Variants in STIL observed in about 807,000 individuals in gnomAD.
STIL encodes the protein SCL-interrupting locus protein.
Under a neutral mutation model 110.1 loss-of-function variants are expected in STIL, and 55 were observed. That is an observed-to-expected ratio of 0.50 (90% CI 0.40 to 0.63). STIL has a LOEUF of 0.63. STIL is among the 20% of genes least tolerant of loss of function. STIL has a pLI of 0.00. For missense variants in STIL, 1,358 were observed against 1,530.0 expected (o/e 0.89, Z 1.87); for synonymous variants, 481 against 530.0 (o/e 0.91, Z 1.27).
chr1:47,268,746 G>A (rs1212786999), intron 14 of STIL, among the ~76,000 whole-genome samples: 1 of 148,576 alleles, frequency 6.7e-6, no homozygotes, highest in African/African-American at 2.5e-5. Flanking sequence ...CAACAAGAGA[G>A]AAACTCCATC....
chr1:47,268,060 G>T (rs1644705555), intron 14 of STIL, among the ~76,000 whole-genome samples: 1 of 152,098 alleles, frequency 6.6e-6, no homozygotes, highest in African/African-American at 2.4e-5. Flanking sequence ...GAATTAATTT[G>T]AAGCAAATCT....
chr1:47,259,799 G>A (rs760291143), intron 16 of STIL, among the ~76,000 whole-genome samples: 3 of 152,076 alleles, frequency 2.0e-5, no homozygotes, highest in Non-Finnish European at 4.4e-5. Context: ...TATGTGCTGA[G>A]GTCATCTTTG....
At chr1:47,277,915 CT>C in intron 12 of STIL, among the ~76,000 whole-genome samples, 1 of 151,906 alleles carries the variant, frequency 6.6e-6, no homozygotes, top group Non-Finnish European at 1.5e-5. Flanking sequence ...TGTGAGAAAA[CT>C]GAAGTCAATG....
chr1:47,262,886 G>C lies in STIL; in HGVS notation c.2829+17C>G. The stretch of plus-strand genomic sequence containing the variant: ...AATAACCTTCTCAAAAAGATGAAAT[G>C]CTCTACATTTTCTTACCAATAAATC... On this transcript the variant is annotated intron_variant, in intron 15 of 16. Coordinates refer to ENST00000371877, the MANE Select transcript of STIL (RefSeq NM_001048166.1). The C allele has an allele frequency of 6.2e-7, 1 of 1,609,694 alleles. No homozygotes were observed. Among genetic ancestry groups the C allele is most frequent in the East Asian group, 2.2e-5 (1 of 44,844 alleles).
Position 47,266,617 on chromosome 1 carries a change from G to T in STIL, c.2615+3018C>A, listed in dbSNP as rs116068516. Among the ~76,000 whole-genome samples the T allele has an allele frequency of 5.4e-3, 821 of 152,318 alleles. 3 individuals are homozygous for T. The highest frequency in any genetic ancestry group is 0.018 in the African/African-American group (766 of 41,576). ...AATTAACCTCTTTAAACTGTTTCAT[G>T]TGCTATTATCCTGGGATGTTTTATA... On this transcript the variant is annotated intron_variant, in intron 14 of 16. Transcript: ENST00000371877.
In STIL at chr1:47,280,568, T is replaced by C. The variant is rs1357261197; in HGVS notation, c.1890A>G (p.Gln630=). 11 of 1,614,136 alleles carry C rather than the reference T, an allele frequency of 6.8e-6. No individual in the cohort carries two copies. In the Admixed American group the frequency reaches 8.3e-5, roughly 12 times the overall value. The part of the protein sequence containing the change: ...WQGANTVGSI[Q]DVQSEALQKH... ...TTTGAAGGGCTTCAGACTGGACATC[T>C]TGAATGGATCCAACTGTGTTTGCTC... The change falls in exon 12 of 17, where the codon CAA becomes CAG. Residue 630 remains glutamine, a synonymous_variant. Transcript: ENST00000371877.
chr1:47,262,831 G>A (rs1483091037), intron 15 of STIL, 72 bp downstream of exon 15: 5 of 1,437,958 alleles, frequency 3.5e-6, no homozygotes, highest in Admixed American at 1.7e-5. Flanking sequence ...TTTAAACCTA[G>A]GAAAAGCTTA....
At chr1:47,297,357 G>A (rs1304571911) in intron 6 of STIL, among the ~76,000 whole-genome samples, 1 of 133,186 alleles carries the variant, frequency 7.5e-6, no homozygotes, top group Non-Finnish European at 1.7e-5. Context: ...AAAAAAAAAA[G>A]AATTAGTTCA....
At chr1:47,263,140 A>C (rs1341056080) in intron 14 of STIL, 24 bp from the exon 15 acceptor site, 5 of 1,600,150 alleles carry the variant, frequency 3.1e-6, no homozygotes, top group Non-Finnish European at 4.3e-6. Context: ...ATAATGTGTT[A>C]GTCATTGAGG....
chr1:47,297,806 A>G (rs1645686242), intron 6 of STIL, among the ~76,000 whole-genome samples: 1 of 152,170 alleles, frequency 6.6e-6, no homozygotes, highest in Admixed American at 6.6e-5. Flanking sequence ...GGCAAGGAGA[A>G]TAGGTGATTG....
At position 47,259,285 on chromosome 1, in the gene STIL, C is replaced by CTTTTT. The variant is rs3043082; in HGVS notation, c.3080+999_3080+1003dup. Among the ~76,000 whole-genome samples the CTTTTT allele has an allele frequency of 6.7e-4, 51 of 76,100 alleles. 3 individuals carry two copies. The highest frequency in any genetic ancestry group is 8.4e-4 in the Non-Finnish European group (36 of 42,986). 49.9% of individuals were successfully genotyped at this position (76,100 alleles called of 152,430 possible). A position where few individuals can be genotyped will look rare whatever the true frequency, so the allele number is the denominator to read the frequency against. On this transcript the variant is annotated intron_variant, in intron 16 of 16. Transcript: ENST00000371877. ...ACAGGTGTGAGGTACCGCGCCCGGCCTTTTTTTTTTTTTTTTTTTTGACTG... is the reference window on the plus strand; with the variant it reads ...ACAGGTGTGAGGTACCGCGCCCGGCCTTTTTTTTTTTTTTTTTTTTTTTTTGACTG...
At chr1:47,264,209 G>A (rs1644570071) in intron 14 of STIL, among the ~76,000 whole-genome samples, 2 of 152,218 alleles carry the variant, frequency 1.3e-5, no homozygotes, top group South Asian at 2.1e-4. Flanking sequence ...ACACAAGGAA[G>A]AGGCATCAAC....
rs368689118 is a variant in STIL, at chr1:47,272,109, T to A, written c.2350A>T (p.Met784Leu). 57 of 1,614,096 alleles carry A rather than the reference T, an allele frequency of 3.5e-5. No individual in the cohort carries two copies. The highest frequency in any genetic ancestry group is 4.7e-5 in the Non-Finnish European group (55 of 1,180,040). Reference protein sequence around the residue: ...VEAQSSPGLHMRKGVSIAVST... With the variant: ...VEAQSSPGLHLRKGVSIAVST... ...ACAGCAATGCTTACACCTTTTCTCA[T>A]GTGCAAGCCAGGGGAAGACTGTGCT... The change falls in exon 13 of 17, where the codon ATG becomes TTG. Residue 784 changes from methionine (M) to leucine (L), a missense_variant. Transcript: ENST00000371877.
intron 16 of STIL, among the ~76,000 whole-genome samples, chr1:47,255,595 G>C (rs1570000125): frequency 6.7e-6 from 1 of 148,258 alleles, no homozygotes; most frequent in South Asian, 2.1e-4. Flanking sequence ...GATCCTATTT[G>C]AATCCAGATT....
rs1327699140 is a variant in STIL, at chr1:47,250,902, T to A, written c.*234A>T. 1 of 504,572 alleles carries A rather than the reference T, an allele frequency of 2.0e-6. No individual in the cohort carries two copies. Among genetic ancestry groups the A allele is most frequent in the Non-Finnish European group, 3.5e-6 (1 of 286,108 alleles). The allele number at this position is 504,572 out of a possible 1,614,324, so 31.3% of individuals were successfully genotyped here. Reference sequence around the variant, plus strand: ...TACTACTTAAACTTGTAGGAATAACTGATCTCAGGGCTTTTCTTAAAGGTT... The same window carrying A: ...TACTACTTAAACTTGTAGGAATAACAGATCTCAGGGCTTTTCTTAAAGGTT... On this transcript the variant is annotated 3_prime_UTR_variant, in exon 17 of 17. Transcript: ENST00000371877.
At chr1:47,272,579 G>T (rs1208684827) in intron 12 of STIL, among the ~76,000 whole-genome samples, 1 of 151,728 alleles carries the variant, frequency 6.6e-6, no homozygotes, top group Non-Finnish European at 1.5e-5. Context: ...CTCCTGGGGT[G>T]GCTGGGATGA....
rs1000800620 is a variant in STIL, at chr1:47,284,332, C to T, written c.1134-1873G>A. Reference sequence around the variant, plus strand: ...GACTGTTCCTCATTAAAGCTTAGGCCAGAATGGAAAATAAACAAGGTTTTT... The same window carrying T: ...GACTGTTCCTCATTAAAGCTTAGGCTAGAATGGAAAATAAACAAGGTTTTT... On this transcript the variant is annotated intron_variant, in intron 10 of 16. Transcript: ENST00000371877. 5.3e-5 allele frequency among the ~76,000 whole-genome samples: 8 copies of T among 152,168 alleles called. No individual in the cohort carries two copies. The East Asian group carries it at 1.4e-3, about 26-fold the overall frequency.
At chr1:47,301,881 C>A in intron 4 of STIL, 133 bp from the exon 5 acceptor site, 1 of 818,506 alleles carries the variant, frequency 1.2e-6, no homozygotes, top group Middle Eastern at 3.2e-4. Flanking sequence ...CTAAACTAAA[C>A]TCTTACAGTA....
intron 10 of STIL, among the ~76,000 whole-genome samples, chr1:47,285,619 G>A (rs370475664): frequency 4.7e-4 from 71 of 151,620 alleles, no homozygotes; most frequent in Admixed American, 1.6e-3. Flanking sequence ...CACCAGGCCC[G>A]GCTAATTCTT....
Sources: gnomAD v4.1 joint callset for allele counts (sites outside exome capture counted in the v4.1 genomes callset) on GRCh38, gnomAD v4.1.1 for gene constraint, MANE v1.5 for transcripts, NCBI Gene and HGNC (gene_info 2026-07-23, HGNC 2026-07-21) for gene names.